Variants in SNTG1 observed in about 807,000 individuals in gnomAD.
The protein encoded by SNTG1 is syntrophin gamma 1.
SNTG1 carries 39 observed loss-of-function variants against 74.7 expected under a neutral mutation model. The ratio of observed to expected loss-of-function variants is 0.52; its 90% CI spans 0.40 to 0.68. The LOEUF (loss-of-function observed/expected upper bound fraction) is 0.68, where lower values mean the gene tolerates loss of function less well. Ranked by LOEUF, SNTG1 falls within the 30% of genes least tolerant of loss-of-function variation. SNTG1 has a pLI of 0.00. For missense variants in SNTG1, 685 were observed against 609.5 expected (o/e 1.12, Z -1.30); for synonymous variants, 254 against 217.1 (o/e 1.17, Z -1.49).
At chr8:50,456,769 C>T (rs904733860) in intron 8 of SNTG1, among the ~76,000 whole-genome samples, 7 of 152,080 alleles carry the variant, frequency 4.6e-5, no homozygotes, top group Non-Finnish European at 8.8e-5. Context: ...AAACCAATTA[C>T]TTAGGAGGGC....
At chr8:50,117,228 C>T (rs527523448) in intron 1 of SNTG1, among the ~76,000 whole-genome samples, 2 of 152,032 alleles carry the variant, frequency 1.3e-5, no homozygotes, top group South Asian at 2.1e-4. Context: ...GACATCTTTT[C>T]CAGAGTGTGT....
chr8:49,938,707 C>G (rs1156980589), intron 1 of SNTG1, among the ~76,000 whole-genome samples: 1 of 146,414 alleles, frequency 6.8e-6, no homozygotes, highest in African/African-American at 2.5e-5. Flanking sequence ...CTTCCTTTCT[C>G]CCATTGTTTC....
rs1262112350 is a variant in SNTG1, at chr8:50,571,655, T to A, written c.810+18476T>A. ...TATCTTCCCTAATCAATTGTTAACATGTGAGACTTTGCCTCACACTCTATT... is the reference window on the plus strand; with the variant it reads ...TATCTTCCCTAATCAATTGTTAACAAGTGAGACTTTGCCTCACACTCTATT... On this transcript the variant is annotated intron_variant, in intron 12 of 18. Coordinates refer to ENST00000642720, the MANE Select transcript of SNTG1 (RefSeq NM_018967.5). Among the ~76,000 whole-genome samples the A allele has an allele frequency of 2.0e-5, 3 of 152,286 alleles. No individual in the cohort carries two copies. The East Asian group carries it at 5.8e-4, about 30-fold the overall frequency.
At chr8:50,037,868 G>A (rs1247099543) in intron 1 of SNTG1, among the ~76,000 whole-genome samples, 1 of 152,188 alleles carries the variant, frequency 6.6e-6, no homozygotes, top group Non-Finnish European at 1.5e-5. Context: ...TGATGAGAGA[G>A]TGTGGAAGAA....
At chr8:50,514,838 A>G (rs984902725) in intron 9 of SNTG1, among the ~76,000 whole-genome samples, 1 of 152,112 alleles carries the variant, frequency 6.6e-6, no homozygotes, top group Non-Finnish European at 1.5e-5. Context: ...ATGTCATACT[A>G]TTATTGTGTT....
At chr8:50,384,041 G>T (rs1448787360) in intron 2 of SNTG1, among the ~76,000 whole-genome samples, 1 of 152,208 alleles carries the variant, frequency 6.6e-6, no homozygotes, top group Non-Finnish European at 1.5e-5. Context: ...AGTTTTGCTA[G>T]TAAGTAGAGA....
intron 12 of SNTG1, among the ~76,000 whole-genome samples, chr8:50,557,505 C>G (rs76599974): frequency 1.3e-5 from 2 of 152,164 alleles, no homozygotes; most frequent in African/African-American, 2.4e-5. Context: ...ATACATCCCT[C>G]TGGACTCTGT....
intron 2 of SNTG1, among the ~76,000 whole-genome samples, chr8:50,285,178 G>A (rs983730836): frequency 2.0e-5 from 3 of 151,980 alleles, no homozygotes; most frequent in South Asian, 2.1e-4. Flanking sequence ...CAGGCCAGCC[G>A]CCCTACCTCT....
chr8:50,349,981 T>A (rs2091600431), intron 2 of SNTG1, among the ~76,000 whole-genome samples: 1 of 152,064 alleles, frequency 6.6e-6, no homozygotes, highest in South Asian at 2.1e-4. Flanking sequence ...GAGTTCTGGG[T>A]GGGCGTGGGC....
chr8:50,271,172 G>A (rs2130281647), intron 2 of SNTG1, among the ~76,000 whole-genome samples: 1 of 152,228 alleles, frequency 6.6e-6, no homozygotes, highest in Admixed American at 6.5e-5. Flanking sequence ...TGTGAGAAAT[G>A]GAAAGTGTTA....
At chr8:50,731,137 C>G (rs2095511946) in intron 17 of SNTG1, among the ~76,000 whole-genome samples, 1 of 152,124 alleles carries the variant, frequency 6.6e-6, no homozygotes, top group African/African-American at 2.4e-5. Context: ...TATTTCAGTA[C>G]ACTGCCAACA....
intron 13 of SNTG1, among the ~76,000 whole-genome samples, chr8:50,626,538 C>T (rs749062651): frequency 3.3e-5 from 5 of 152,198 alleles, no homozygotes; most frequent in Non-Finnish European, 7.3e-5. Flanking sequence ...CAGTGATAAG[C>T]ATTATTTCTG....
chr8:50,252,537 T>C (rs2086688561), intron 2 of SNTG1, among the ~76,000 whole-genome samples: 1 of 152,086 alleles, frequency 6.6e-6, no homozygotes, highest in African/African-American at 2.4e-5. Context: ...ATTATTAAGA[T>C]CACAGATACA....
intron 12 of SNTG1, among the ~76,000 whole-genome samples, chr8:50,587,626 A>T (rs2094659595): frequency 6.8e-6 from 1 of 146,710 alleles, no homozygotes; most frequent in Non-Finnish European, 1.5e-5. Flanking sequence ...GGAGTTCGAG[A>T]CCAGACTGGC....
At chr8:50,069,525 A>G (rs1036021455) in intron 1 of SNTG1, among the ~76,000 whole-genome samples, 14 of 150,052 alleles carry the variant, frequency 9.3e-5, no homozygotes, top group Admixed American at 7.3e-4. Flanking sequence ...AATCATCTTG[A>G]AAATACTTGC....
At chr8:50,632,601 C>T (rs1340362816) in intron 13 of SNTG1, among the ~76,000 whole-genome samples, 1 of 152,170 alleles carries the variant, frequency 6.6e-6, no homozygotes, top group Non-Finnish European at 1.5e-5. Context: ...TGAGCCACCA[C>T]ACCCAGCCCT....
intron 13 of SNTG1, among the ~76,000 whole-genome samples, chr8:50,616,876 C>T (rs1432491149): frequency 1.3e-5 from 2 of 152,188 alleles, no homozygotes; most frequent in Non-Finnish European, 2.9e-5. Context: ...TTCTCTTCCT[C>T]CGTCACGCAA....
In SNTG1 at chr8:50,257,503, C is replaced by T. The variant is rs553511767; in HGVS notation, c.-28+84868C>T. 5.3e-5 allele frequency among the ~76,000 whole-genome samples: 8 copies of T among 152,186 alleles called. No individual in the cohort carries two copies. The South Asian group carries it at 8.3e-4, about 16-fold the overall frequency. ...GAAGTAGTGTTCTTTGAACTAATTTCGAAGGGTGTTTCAGAAAACAATGTA... is the reference window on the plus strand; with the variant it reads ...GAAGTAGTGTTCTTTGAACTAATTTTGAAGGGTGTTTCAGAAAACAATGTA... On this transcript the variant is annotated intron_variant, in intron 2 of 18. Transcript: ENST00000642720.
intron 13 of SNTG1, among the ~76,000 whole-genome samples, chr8:50,606,500 A>G (rs916688725): frequency 2.0e-5 from 3 of 152,026 alleles, no homozygotes; most frequent in African/African-American, 7.2e-5. Flanking sequence ...TGTAGGAACA[A>G]TAGACAATTA....
Sources: allele counts gnomAD v4.1 joint callset (sites outside exome capture counted in the v4.1 genomes callset), GRCh38; gene constraint gnomAD v4.1.1; transcripts MANE v1.5; gene names NCBI Gene and HGNC (gene_info 2026-07-23, HGNC 2026-07-21).